Variants in CFAP299 observed in about 807,000 individuals in gnomAD.
The protein encoded by CFAP299 is cilia- and flagella-associated protein 299.
CFAP299 carries 21 observed loss-of-function variants against 27.0 expected under a neutral mutation model. That is an observed-to-expected ratio of 0.78 (90% CI 0.55 to 1.12). CFAP299 has a LOEUF of 1.12. CFAP299 is among the 50% of genes most tolerant of loss of function. CFAP299 has a pLI of 0.00. For synonymous variants in CFAP299, 104 were observed against 98.1 expected, an observed-to-expected ratio of 1.06 and a Z score of -0.36; for missense variants, 310 against 276.6, an observed-to-expected ratio of 1.12 and a Z score of -0.86.
At chr4:80,956,961 G>A (rs1403467132) in intron 5 of CFAP299, among the ~76,000 whole-genome samples, 1 of 151,980 alleles carries the variant, frequency 6.6e-6, no homozygotes, top group Non-Finnish European at 1.5e-5. Flanking sequence ...CCTAACTACT[G>A]ATTTCTCTTT....
chr4:80,386,524 G>A, intron 2 of CFAP299: 1 of 1,565,062 alleles, frequency 6.4e-7, no homozygotes, highest in Non-Finnish European at 8.7e-7. Flanking sequence ...GGGGGGGGGG[G>A]TGCCGCCGGG....
At chr4:80,910,878 G>A (rs78649389) in intron 4 of CFAP299, among the ~76,000 whole-genome samples, 6,371 of 151,936 alleles carry the variant, frequency 0.042, 397 homozygotes, top group African/African-American at 0.13. Flanking sequence ...ATGAACTCTG[G>A]GTTCTCTACA....
intron 3 of CFAP299, among the ~76,000 whole-genome samples, chr4:80,676,936 A>G (rs1184303312): frequency 6.6e-6 from 1 of 150,890 alleles, no homozygotes. Context: ...TTTAGTGTCA[A>G]TTTTCTTTAT....
chr4:80,963,693 C>A lies in CFAP299; in HGVS notation c.*81C>A. The A allele has an allele frequency of 1.1e-6, 1 of 884,052 alleles. No homozygotes were observed. Among genetic ancestry groups the A allele is most frequent in the South Asian group, 1.7e-5 (1 of 59,428 alleles). The allele number at this position is 884,052 out of a possible 1,614,324, so 54.8% of individuals were successfully genotyped here. ...AGAGCAAATTAGAATAATAAATGAG[C>A]CCTGTAGCTGGAAGGCAAATTAGAA... On this transcript the variant is annotated 3_prime_UTR_variant, in exon 6 of 6. Transcript: ENST00000358105.
At chr4:80,844,019 T>C (rs1167675003) in intron 3 of CFAP299, among the ~76,000 whole-genome samples, 31 of 151,972 alleles carry the variant, frequency 2.0e-4, no homozygotes, top group Non-Finnish European at 1.5e-4. Flanking sequence ...ATTTTTGTCC[T>C]TGCCATAGTT....
In CFAP299 at chr4:80,481,149, T is replaced by C. The variant is rs181661960; in HGVS notation, c.243-101944T>C. On this transcript the variant is annotated intron_variant, in intron 2 of 5. Transcript: ENST00000358105. ...TAGTAGAGGCAGCCAACAGACTTTC[T>C]ATGGATTTTAGGTCTGAGCAGTAAA... Among the ~76,000 whole-genome samples, 388 of 152,132 alleles carry C rather than the reference T, an allele frequency of 2.6e-3. 1 individual carries two copies. Among genetic ancestry groups the C allele is most frequent in the Admixed American group, 5.8e-3 (89 of 15,252 alleles).
At chr4:80,692,805 A>G (rs980980466) in intron 3 of CFAP299, among the ~76,000 whole-genome samples, 4 of 152,196 alleles carry the variant, frequency 2.6e-5, no homozygotes, top group African/African-American at 9.7e-5. Flanking sequence ...CATCTGACAA[A>G]GGGCTGATAT....
rs556094371 is a variant in CFAP299, at chr4:80,424,644, G to A, written c.242+61760G>A. ...TGTGTTACTACCTTTTTCTTGCTGA[G>A]AGTGATAGGAAATTAACCAAGAACA... On this transcript the variant is annotated intron_variant, in intron 2 of 5. Coordinates refer to ENST00000358105, the MANE Select transcript of CFAP299 (RefSeq NM_152770.3). Among the ~76,000 whole-genome samples the A allele has an allele frequency of 1.1e-3, 171 of 152,290 alleles. 1 individual carries two copies. The highest frequency in any genetic ancestry group is 6.8e-3 in the Middle Eastern group (2 of 294).
intron 3 of CFAP299, among the ~76,000 whole-genome samples, chr4:80,741,890 T>C (rs1192762799): frequency 6.6e-6 from 1 of 152,128 alleles, no homozygotes; most frequent in East Asian, 1.9e-4. Flanking sequence ...GATTCCTGTC[T>C]GGCTAGGGCT....
chr4:80,751,042 C>G (rs28425653), intron 3 of CFAP299, among the ~76,000 whole-genome samples: 35,006 of 152,166 alleles, frequency 0.23, 5,778 homozygotes, highest in African/African-American at 0.46. Context: ...AGCCTCAGCC[C>G]AAGTTCTTTG....
intron 2 of CFAP299, chr4:80,386,515 G>GC (rs1312616287): frequency 7.0e-7 from 1 of 1,430,704 alleles, no homozygotes; most frequent in Non-Finnish European, 9.2e-7. Context: ...GCGGTGGTGG[G>GC]GGGGGGGGGT....
intron 2 of CFAP299, among the ~76,000 whole-genome samples, chr4:80,518,815 C>G (rs1016007454): frequency 6.6e-6 from 1 of 152,006 alleles, no homozygotes; most frequent in African/African-American, 2.4e-5. Context: ...TTATGGCTTG[C>G]CTGGGTTGGC....
intron 3 of CFAP299, among the ~76,000 whole-genome samples, chr4:80,589,167 T>C (rs186889583): frequency 6.6e-6 from 1 of 152,310 alleles, no homozygotes; most frequent in Admixed American, 6.5e-5. Context: ...AAGCACTTTA[T>C]ATGTTAACTC....
At chr4:80,448,619 C>A (rs1166765954) in intron 2 of CFAP299, among the ~76,000 whole-genome samples, 1 of 152,042 alleles carries the variant, frequency 6.6e-6, no homozygotes, top group Non-Finnish European at 1.5e-5. Flanking sequence ...TCTAGATCCT[C>A]TCTGAAAATT....
chr4:80,388,428 A>G, intron 2 of CFAP299: 1 of 807,524 alleles, frequency 1.2e-6, no homozygotes, highest in South Asian at 1.5e-5. Flanking sequence ...GAAGGTGTGT[A>G]GATTGTGTAG....
chr4:80,937,298 C>CTTTTTTTTTTTTTTT (rs1203322592), intron 4 of CFAP299, among the ~76,000 whole-genome samples: 5 of 94,358 alleles, frequency 5.3e-5, no homozygotes, highest in East Asian at 3.0e-4. Flanking sequence ...TTTCTTTTTT[C>CTTTTTTTTTTTTTTT]TTTTTTTTTC....
chr4:80,716,904 C>G (rs1001185781), intron 3 of CFAP299, among the ~76,000 whole-genome samples: 1 of 152,010 alleles, frequency 6.6e-6, no homozygotes, highest in African/African-American at 2.4e-5. Context: ...CTACTGAAAA[C>G]CTTTGAAGGA....
intron 2 of CFAP299, among the ~76,000 whole-genome samples, chr4:80,365,583 A>G (rs989029958): frequency 3.3e-5 from 5 of 152,216 alleles, no homozygotes; most frequent in East Asian, 1.9e-4. Context: ...ATCAACTTCT[A>G]TTCTTGGAAA....
At chr4:80,956,103 C>T (rs1480337528) in intron 5 of CFAP299, among the ~76,000 whole-genome samples, 1 of 152,256 alleles carries the variant, frequency 6.6e-6, no homozygotes, top group Non-Finnish European at 1.5e-5. Context: ...GCTTTCCCTC[C>T]GGTTTAATTA....
Sources: gnomAD v4.1 joint callset for allele counts (sites outside exome capture counted in the v4.1 genomes callset) on GRCh38, gnomAD v4.1.1 for gene constraint, MANE v1.5 for transcripts, NCBI Gene and HGNC (gene_info 2026-07-23, HGNC 2026-07-21) for gene names.